Variants in MORF4L1 observed in about 807,000 individuals in gnomAD.
MORF4L1 encodes the protein mortality factor 4 like 1.
MORF4L1 carries 4 observed loss-of-function variants against 52.9 expected under a neutral mutation model. That is an observed-to-expected ratio of 0.08 (90% CI 0.04 to 0.17). The LOEUF (loss-of-function observed/expected upper bound fraction) is 0.17, where lower values mean the gene tolerates loss of function less well. Ranked by LOEUF, MORF4L1 falls within the 10% of genes least tolerant of loss-of-function variation. The pLI is 1.00. For missense variants in MORF4L1, 214 were observed against 390.4 expected, an observed-to-expected ratio of 0.55 and a Z score of 3.81; for synonymous variants, 123 against 134.8, an observed-to-expected ratio of 0.91 and a Z score of 0.61.
intron 4 of MORF4L1, chr15:78,886,480 A>G (rs2056705520): frequency 4.9e-6 from 2 of 412,124 alleles, no homozygotes; most frequent in Admixed American, 7.4e-5. Flanking sequence ...AAATTGCTAT[A>G]GGTATGAACT....
At chr15:78,879,616 A>C (rs2056563179) in intron 2 of MORF4L1, among the ~76,000 whole-genome samples, 1 of 152,158 alleles carries the variant, frequency 6.6e-6, no homozygotes, top group African/African-American at 2.4e-5. Flanking sequence ...CATACATCTT[A>C]ATGATATAAT....
At chr15:78,883,368 A>G (rs1416615284) in intron 3 of MORF4L1, among the ~76,000 whole-genome samples, 3 of 152,226 alleles carry the variant, frequency 2.0e-5, no homozygotes, top group Admixed American at 2.0e-4. Context: ...TCTTTTTCAC[A>G]TATAATAGAT....
intron 2 of MORF4L1, 89 bp downstream of exon 2, chr15:78,878,348 C>A: frequency 1.7e-6 from 2 of 1,205,406 alleles, no homozygotes. Context: ...TTTGTTGTTG[C>A]CTCAGTAAGA....
chr15:78,881,335 A>G (rs993566669), intron 3 of MORF4L1, among the ~76,000 whole-genome samples: 11 of 151,772 alleles, frequency 7.2e-5, no homozygotes, highest in African/African-American at 2.4e-4. Flanking sequence ...AGCTGGGATT[A>G]CAGGCACCTG....
chr15:78,894,402 T>C, intron 10 of MORF4L1, 172 bp downstream of exon 10: 1 of 500,526 alleles, frequency 2.0e-6, no homozygotes. Flanking sequence ...AAAAATCGTG[T>C]ATTTTATTTT....
At chr15:78,895,064 G>GT (rs1363288934) in intron 11 of MORF4L1, among the ~76,000 whole-genome samples, 160 bp downstream of exon 11, 2 of 152,198 alleles carry the variant, frequency 1.3e-5, no homozygotes, top group Non-Finnish European at 2.9e-5. Flanking sequence ...GGGAGTCTCA[G>GT]AAATGATAGA....
At chr15:78,895,399 C>T (rs1036329077) in intron 11 of MORF4L1, among the ~76,000 whole-genome samples, 1 of 152,100 alleles carries the variant, frequency 6.6e-6, no homozygotes, top group African/African-American at 2.4e-5. Flanking sequence ...AAAAATATGT[C>T]AGAAATAATG....
chr15:78,873,464 G>A (rs1236526569), intron 1 of MORF4L1, among the ~76,000 whole-genome samples: 2 of 152,112 alleles, frequency 1.3e-5, no homozygotes, highest in African/African-American at 2.4e-5. Context: ...CGGCGCGCCC[G>A]GCCGCTTGGG....
At chr15:78,893,005 T>C (rs1204997656) in intron 8 of MORF4L1, 1 of 153,796 alleles carries the variant, frequency 6.5e-6, no homozygotes, top group Admixed American at 6.4e-5. Flanking sequence ...TATCACTTAT[T>C]ATTTGTGAGT....
chr15:78,882,245 G>A (rs186703704), intron 3 of MORF4L1, among the ~76,000 whole-genome samples: 2 of 152,308 alleles, frequency 1.3e-5, no homozygotes, highest in South Asian at 2.1e-4. Context: ...GAGCCCAGGA[G>A]TTTGGGGCTG....
intron 2 of MORF4L1, 75 bp from the exon 3 acceptor site, chr15:78,880,437 T>C: frequency 9.3e-7 from 1 of 1,080,022 alleles, no homozygotes; most frequent in South Asian, 1.4e-5. Flanking sequence ...GTAGAGTGTC[T>C]TTGAAGGATG....
At chr15:78,880,364 A>G (rs146948929) in intron 2 of MORF4L1, 148 bp from the exon 3 acceptor site, 5 of 605,438 alleles carry the variant, frequency 8.3e-6, no homozygotes, top group African/African-American at 5.8e-5. Context: ...TCAGTTTTGT[A>G]ACTTGAGTAT....
chr15:78,893,703 A>G, intron 9 of MORF4L1, 76 bp downstream of exon 9: 4 of 963,458 alleles, frequency 4.2e-6, no homozygotes, highest in South Asian at 3.2e-5. Flanking sequence ...TGAAACTTGT[A>G]CTGACTCCGA....
chr15:78,886,618 A>G (rs981860577), intron 4 of MORF4L1, among the ~76,000 whole-genome samples: 2 of 152,288 alleles, frequency 1.3e-5, no homozygotes, highest in African/African-American at 2.4e-5. Context: ...GAAAGACTCT[A>G]TGATTTATAG....
intron 11 of MORF4L1, among the ~76,000 whole-genome samples, chr15:78,896,052 C>T (rs542574035): frequency 1.3e-5 from 2 of 152,182 alleles, no homozygotes; most frequent in South Asian, 4.1e-4. Context: ...GATCACAGCT[C>T]ACTACAACCT....
intron 3 of MORF4L1, among the ~76,000 whole-genome samples, chr15:78,883,991 G>T (rs1004812602): frequency 4.6e-5 from 7 of 151,866 alleles, no homozygotes; most frequent in African/African-American, 1.4e-4. Flanking sequence ...AGATCACAAG[G>T]TCAGGAGTTC....
chr15:78,873,208 T>C, intron 1 of MORF4L1, 151 bp downstream of exon 1: 1 of 1,514,424 alleles, frequency 6.6e-7, no homozygotes, highest in Non-Finnish European at 8.8e-7. Flanking sequence ...GCATTGCGGA[T>C]GGCAATTCCG....
In MORF4L1 at chr15:78,885,077, C is replaced by T. The variant is rs780169877; in HGVS notation, c.156-1064C>T. 5 of 1,601,968 alleles carry T rather than the reference C, an allele frequency of 3.1e-6. No homozygotes were observed. The highest frequency in any genetic ancestry group is 1.7e-5 in the Admixed American group (1 of 57,208). Reference sequence around the variant, plus strand: ...CCCTCAGTACACCACCCCCTCCTGACCTCTAGGTAAATGCATGTTTTGAAA... The same window carrying T: ...CCCTCAGTACACCACCCCCTCCTGATCTCTAGGTAAATGCATGTTTTGAAA... On this transcript the variant is annotated intron_variant, in intron 3 of 11. Coordinates refer to ENST00000426013, the MANE Select transcript of MORF4L1 (RefSeq NM_006791.4).
intron 1 of MORF4L1, among the ~76,000 whole-genome samples, chr15:78,874,709 G>C (rs1208464938): frequency 6.6e-6 from 1 of 151,050 alleles, no homozygotes; most frequent in East Asian, 2.0e-4. Context: ...GGGTTAACGG[G>C]CGTGAGGCAT....
Sources: allele counts gnomAD v4.1 joint callset (sites outside exome capture counted in the v4.1 genomes callset), GRCh38; gene constraint gnomAD v4.1.1; transcripts MANE v1.5; gene names NCBI Gene and HGNC (gene_info 2026-07-23, HGNC 2026-07-21).